The following ANKHD1 variants were observed in gnomAD, a reference collection of about 807,000 sequenced individuals.
ANKHD1 encodes ankyrin repeat and KH domain containing 1, also known as ankyrin repeat and KH domain-containing protein 1.
A neutral mutation model predicts 230.5 loss-of-function variants in ANKHD1; 31 were observed. The observed-to-expected ratio is 0.13, with a 90% CI of 0.10 to 0.18. ANKHD1 has a LOEUF of 0.18. Among genes scored for constraint, ANKHD1 ranks in the 10% least tolerant of loss-of-function variants. ANKHD1 has a pLI of 1.00. For synonymous variants in ANKHD1, 1,074 were observed against 1,117.6 expected, an observed-to-expected ratio of 0.96 and a Z score of 0.78; for missense variants, 2,256 against 3,071.3, an observed-to-expected ratio of 0.73 and a Z score of 6.27.
chr5:140,533,548 G>A (rs1029267498), intron 29 of ANKHD1, among the ~76,000 whole-genome samples: 33 of 152,134 alleles, frequency 2.2e-4, no homozygotes, highest in Admixed American at 1.8e-3. Context: ...GCAGTGAGCC[G>A]AGATCGCGCC....
At chr5:140,525,964 A>G (rs935595774) in intron 25 of ANKHD1, 32 bp from the exon 26 acceptor site, 4 of 1,531,882 alleles carry the variant, frequency 2.6e-6, no homozygotes, top group Non-Finnish European at 3.5e-6. Flanking sequence ...TCTGTGACTC[A>G]GTATGATTTT....
At chr5:140,442,905 T>A (rs1258763450) in intron 5 of ANKHD1, among the ~76,000 whole-genome samples, 1 of 151,546 alleles carries the variant, frequency 6.6e-6, no homozygotes, top group East Asian at 1.9e-4. Context: ...TTTATTAACT[T>A]TTTTTTTGTT....
At position 140,528,240 on chromosome 5, in the gene ANKHD1, A is replaced by T; in HGVS notation, c.5294A>T (p.Asp1765Val). The change falls in exon 29 of 34, where the codon GAT (aspartate) becomes GTT (valine). Residue 1765 changes from aspartate to valine, a missense_variant. Asp to Val is a radical substitution (Grantham distance 152). Coordinates refer to ENST00000360839, the MANE Select transcript of ANKHD1 (RefSeq NM_017747.3). ...CAACTAATCAATGCACTCATTCAAGATCCTGCTAAGGAACTGGAAGACTTG... is the reference window on the plus strand; with the variant it reads ...CAACTAATCAATGCACTCATTCAAGTTCCTGCTAAGGAACTGGAAGACTTG... ...AVQLINALIQ[D>V]PAKELEDLIP... 3 of 1,612,582 alleles carry T rather than the reference A, an allele frequency of 1.9e-6. No individual in the cohort carries two copies. The highest frequency in any genetic ancestry group is 2.5e-6 in the Non-Finnish European group (3 of 1,179,832).
In ANKHD1 at chr5:140,405,605, C is replaced by T. The variant is rs1046168553; in HGVS notation, c.306+3332C>T. 2.6e-5 allele frequency among the ~76,000 whole-genome samples: 4 copies of T among 152,050 alleles called. No homozygotes were observed. In the South Asian group the frequency reaches 6.2e-4, roughly 24 times the overall value. ...TTTGATGAATAATACTAAAATCCTCCGTCTCATCTTTCCTAAATATTTTGT... is the reference window on the plus strand; with the variant it reads ...TTTGATGAATAATACTAAAATCCTCTGTCTCATCTTTCCTAAATATTTTGT... On this transcript the variant is annotated intron_variant, in intron 1 of 33. Transcript: ENST00000360839.
intron 29 of ANKHD1, among the ~76,000 whole-genome samples, chr5:140,534,364 C>T (rs915252318): frequency 2.0e-5 from 3 of 151,184 alleles, no homozygotes; most frequent in African/African-American, 7.3e-5. Context: ...TGCACTCCAG[C>T]CTGGGTGACA....
At chr5:140,478,210 GA>G (rs1751071477) in intron 10 of ANKHD1, among the ~76,000 whole-genome samples, 1 of 151,376 alleles carries the variant, frequency 6.6e-6, no homozygotes. Context: ...CAAATGTAGG[GA>G]AAAAATATAA....
intron 1 of ANKHD1, among the ~76,000 whole-genome samples, chr5:140,417,225 T>G (rs981083006): frequency 1.3e-5 from 2 of 152,022 alleles, no homozygotes; most frequent in Non-Finnish European, 2.9e-5. Flanking sequence ...AGAAAGAATA[T>G]TCTTTATCCT....
chr5:140,513,268 T>G (rs562897808), intron 23 of ANKHD1, 95 bp from the exon 24 acceptor site: 56 of 1,276,780 alleles, frequency 4.4e-5, no homozygotes, highest in Non-Finnish European at 6.0e-5. Context: ...CTTTTCAGTT[T>G]GAACTTTAAC....
rs1238958974 is a variant in ANKHD1, at chr5:140,458,971, TATATATATGCATATATATATATATGC to T, written c.1480+118_1480+143del. On this transcript the variant is annotated intron_variant, in intron 8 of 33. Transcript: ENST00000360839. The stretch of plus-strand genomic sequence containing the variant: ...ATATATATATATATATATATATATA[TATATATATGCATATATATATATATGC>T]ATATATATATATATATATATATATA... 5.2e-3 allele frequency: 119 copies of T among 22,720 alleles called. 20 individuals are homozygous for T. The highest frequency in any genetic ancestry group is 0.028 in the Middle Eastern group (1 of 36). The allele number at this position is 22,720 out of a possible 1,614,324, so 1.4% of individuals were successfully genotyped here.
intron 7 of ANKHD1, among the ~76,000 whole-genome samples, chr5:140,450,073 T>C (rs1166270159): frequency 6.6e-6 from 1 of 152,158 alleles, no homozygotes; most frequent in East Asian, 1.9e-4. Context: ...TATATGCATA[T>C]CTAAAAGAGA....
chr5:140,476,694 G>A (rs1750986107), intron 10 of ANKHD1, among the ~76,000 whole-genome samples: 1 of 152,076 alleles, frequency 6.6e-6, no homozygotes, highest in African/African-American at 2.4e-5. Flanking sequence ...ACTACTAAAA[G>A]ATATATACAT....
At chr5:140,531,235 T>A in intron 29 of ANKHD1, 2 of 375,414 alleles carry the variant, frequency 5.3e-6, no homozygotes, top group Non-Finnish European at 1.0e-5. Context: ...TGGTTTCTTT[T>A]GTTGATGCTC....
chr5:140,417,052 C>T (rs1379736596), intron 1 of ANKHD1, among the ~76,000 whole-genome samples: 2 of 152,200 alleles, frequency 1.3e-5, no homozygotes, highest in South Asian at 4.2e-4. Flanking sequence ...GGCTGCCAGA[C>T]TCAGTCAACT....
chr5:140,468,263 CA>C (rs1244588504), intron 10 of ANKHD1, among the ~76,000 whole-genome samples: 5 of 118,814 alleles, frequency 4.2e-5, no homozygotes, highest in East Asian at 2.3e-4. Flanking sequence ...GACTCCGTCT[CA>C]AAAAAAAAAC....
intron 7 of ANKHD1, among the ~76,000 whole-genome samples, chr5:140,452,175 G>A (rs1774799411): frequency 6.6e-6 from 1 of 152,160 alleles, no homozygotes; most frequent in Non-Finnish European, 1.5e-5. Context: ...GCTGGGGGAG[G>A]GGCACCCACC....
At chr5:140,491,160 A>ATATATTTT (rs1282293062) in intron 14 of ANKHD1, among the ~76,000 whole-genome samples, 2 of 45,658 alleles carry the variant, frequency 4.4e-5, no homozygotes, top group African/African-American at 9.7e-5. Flanking sequence ...ATATATATAT[A>ATATATTTT]TTTTTTTTTT....
At chr5:140,415,489 A>C (rs1026482770) in intron 1 of ANKHD1, among the ~76,000 whole-genome samples, 18 of 126,730 alleles carry the variant, frequency 1.4e-4, no homozygotes, top group African/African-American at 5.6e-4. Context: ...CCCAGGCTGG[A>C]GTACAATGGT....
intron 32 of ANKHD1, 134 bp from the exon 33 acceptor site, chr5:140,538,785 A>G: frequency 9.2e-7 from 1 of 1,089,720 alleles, no homozygotes; most frequent in Non-Finnish European, 1.2e-6. Flanking sequence ...ACACTGCCAT[A>G]CTGTACTTAT....
intron 1 of ANKHD1, among the ~76,000 whole-genome samples, chr5:140,403,097 G>A (rs752299028): frequency 5.8e-4 from 87 of 150,116 alleles, no homozygotes; most frequent in African/African-American, 2.0e-3. Context: ...AGCCTCCCGA[G>A]TAGCTGGGAT....
Sources: gnomAD v4.1 joint callset for allele counts (sites outside exome capture counted in the v4.1 genomes callset) on GRCh38, gnomAD v4.1.1 for gene constraint, MANE v1.5 for transcripts, NCBI Gene and HGNC (gene_info 2026-07-23, HGNC 2026-07-21) for gene names.